Variants in PPP1R9A observed in about 807,000 individuals in gnomAD.
The protein encoded by PPP1R9A is neurabin-1.
Under a neutral mutation model 141.9 loss-of-function variants are expected in PPP1R9A, and 59 were observed. The ratio of observed to expected loss-of-function variants is 0.42; its 90% CI spans 0.34 to 0.52. PPP1R9A has a LOEUF of 0.52. Ranked by LOEUF, PPP1R9A falls within the 20% of genes least tolerant of loss-of-function variation. PPP1R9A has a pLI of 0.10. For missense variants in PPP1R9A, 1,444 were observed against 1,611.9 expected, an observed-to-expected ratio of 0.90 and a Z score of 1.78; for synonymous variants, 500 against 569.7, an observed-to-expected ratio of 0.88 and a Z score of 1.74.
At chr7:95,164,180 G>A (rs1830842939) in intron 5 of PPP1R9A, among the ~76,000 whole-genome samples, 1 of 152,192 alleles carries the variant, frequency 6.6e-6, no homozygotes, top group African/African-American at 2.4e-5. Flanking sequence ...ATACCATTTT[G>A]TATTCCTATC....
intron 17 of PPP1R9A, 125 bp downstream of exon 17, chr7:95,284,455 C>A: frequency 2.1e-6 from 2 of 959,422 alleles, no homozygotes; most frequent in Non-Finnish European, 3.0e-6. Context: ...ATTTGCCTAT[C>A]TTTTCACATA....
intron 2 of PPP1R9A, among the ~76,000 whole-genome samples, chr7:95,021,415 G>C (rs899789662): frequency 2.0e-5 from 3 of 151,520 alleles, no homozygotes; most frequent in Non-Finnish European, 4.4e-5. Context: ...CTCCCATTCT[G>C]TAGGTTGCCT....
rs540705995 is a variant in PPP1R9A at position 95,107,940 on chromosome 7, C to T, written c.1396-3319C>T. Among the ~76,000 whole-genome samples, 32 of 152,152 alleles carry T rather than the reference C, an allele frequency of 2.1e-4. No homozygotes were observed. In the East Asian group the frequency reaches 2.1e-3, roughly 10 times the overall value. ...TGCACTTTCTTCAGGGCTTTTTGTACTCATCACTTAGTTTTATAGAGAGAA... is the reference window on the plus strand; with the variant it reads ...TGCACTTTCTTCAGGGCTTTTTGTATTCATCACTTAGTTTTATAGAGAGAA... On this transcript the variant is annotated intron_variant, in intron 2 of 19. Transcript: ENST00000433360.
intron 18 of PPP1R9A, 117 bp from the exon 19 acceptor site, chr7:95,288,419 A>G: frequency 7.2e-7 from 1 of 1,396,640 alleles, no homozygotes; most frequent in East Asian, 2.4e-5. Context: ...TTAGCTTATC[A>G]TATTTTGGTT....
chr7:95,282,537 A>G (rs547088887), intron 16 of PPP1R9A, among the ~76,000 whole-genome samples: 4 of 152,178 alleles, frequency 2.6e-5, no homozygotes, highest in Non-Finnish European at 5.9e-5. Flanking sequence ...TTACATCCCA[A>G]AGGGTCAGAG....
rs578237699 is a variant in PPP1R9A at position 95,153,100 on chromosome 7, T to A, written c.1650-8767T>A. On this transcript the variant is annotated intron_variant, in intron 4 of 19. Transcript: ENST00000433360. ...CCTGACCTCAAATGATTCACTCACC[T>A]CAGCCTCCCAAAATGCTGGGATTAC... 2.6e-5 allele frequency among the ~76,000 whole-genome samples: 4 copies of A among 152,256 alleles called. No individual in the cohort carries two copies. The East Asian group carries it at 7.7e-4, about 29-fold the overall frequency.
In PPP1R9A at chr7:95,275,254, A is replaced by G. The variant is rs1387802230; in HGVS notation, c.3296+1086A>G. 2.6e-5 allele frequency among the ~76,000 whole-genome samples: 4 copies of G among 152,032 alleles called. No homozygotes were observed. The East Asian group carries it at 5.8e-4, about 22-fold the overall frequency. On this transcript the variant is annotated intron_variant, in intron 16 of 19. Coordinates refer to ENST00000433360, the MANE Select transcript of PPP1R9A (RefSeq NM_001166160.2). ...GAAACCCCGTCTCTACCAAAAATAC[A>G]AAAATTAGCCAGGCGTGGTGGCGCA...
At chr7:95,217,061 G>T (rs1793563391) in intron 7 of PPP1R9A, among the ~76,000 whole-genome samples, 2 of 152,058 alleles carry the variant, frequency 1.3e-5, no homozygotes, top group South Asian at 2.1e-4. Flanking sequence ...TCAAAGGGAA[G>T]GCTTCCAGTT....
rs535794860 is a variant in PPP1R9A, at chr7:95,229,104, A to G, written c.2112+2988A>G. 2.1e-4 allele frequency among the ~76,000 whole-genome samples: 32 copies of G among 152,112 alleles called. No homozygotes were observed. The South Asian group carries it at 2.3e-3, about 11-fold the overall frequency. ...GAGTGACAGAACCACACAAGACCCC[A>G]TCTCAAATAAACAAAAACTGGGAGG... On this transcript the variant is annotated intron_variant, in intron 8 of 19. Transcript: ENST00000433360.
chr7:95,038,004 C>A (rs1358384048), intron 2 of PPP1R9A, among the ~76,000 whole-genome samples: 1 of 150,160 alleles, frequency 6.7e-6, no homozygotes, highest in Non-Finnish European at 1.5e-5. Flanking sequence ...CCCAGCTACT[C>A]AGAAGGCTGA....
chr7:95,290,283 G>A lies in PPP1R9A; in HGVS notation c.4105G>A (p.Glu1369Lys), dbSNP rs367806540. ...AGAAAAGATGACGTCAACTACAGCC[G>A]AGGGTGCTGGTGAGCAGTAACACAT... ...KTEKMTSTTAEGAGEQ is the reference protein window; with the variant it reads ...KTEKMTSTTAKGAGEQ Residue 1369 changes from glutamate (E) to lysine (K), a missense_variant, in exon 20 of 20, where the codon GAG (glutamate) becomes AAG (lysine). Physicochemically the swap from Glu to Lys is moderately conservative, Grantham distance 56. Transcript: ENST00000433360. The A allele has an allele frequency of 5.0e-5, 81 of 1,610,914 alleles. No homozygotes were observed. Among genetic ancestry groups the A allele is most frequent in the East Asian group, 6.7e-5 (3 of 44,658 alleles).
chr7:95,187,554 T>C (rs1373808734), intron 5 of PPP1R9A, among the ~76,000 whole-genome samples: 1 of 152,034 alleles, frequency 6.6e-6, no homozygotes, highest in African/African-American at 2.4e-5. Context: ...CTGCTGGGTT[T>C]GGATTTTGTT....
At chr7:94,982,754 A>G in intron 2 of PPP1R9A, among the ~76,000 whole-genome samples, 1 of 151,884 alleles carries the variant, frequency 6.6e-6, no homozygotes, top group South Asian at 2.1e-4. Flanking sequence ...GATTGCAAAA[A>G]TTTTCTCCCA....
chr7:95,291,958 T>C lies in PPP1R9A; in HGVS notation c.*1655T>C, dbSNP rs758115182. The C allele has an allele frequency of 2.0e-5, 3 of 152,176 alleles. No homozygotes were observed. Among genetic ancestry groups the C allele is most frequent in the Non-Finnish European group, 4.4e-5 (3 of 68,024 alleles). The allele number at this position is 152,176 out of a possible 1,614,324, so 9.4% of individuals were successfully genotyped here. A position where few individuals can be genotyped will look rare whatever the true frequency, so the allele number is the denominator to read the frequency against. ...TCTGAAAATCTGAATTCAGAAATTA[T>C]CTAAACTGGACATTTTTAATTCTGT... On this transcript the variant is annotated 3_prime_UTR_variant, in exon 20 of 20. Transcript: ENST00000433360.
intron 2 of PPP1R9A, among the ~76,000 whole-genome samples, chr7:95,090,021 C>G (rs1817131691): frequency 6.6e-6 from 1 of 151,940 alleles, no homozygotes; most frequent in South Asian, 2.1e-4. Flanking sequence ...AGTGGACTTT[C>G]CTATAACATA....
At chr7:94,913,614 T>G (rs116170592) in intron 2 of PPP1R9A, among the ~76,000 whole-genome samples, 333 of 152,312 alleles carry the variant, frequency 2.2e-3, no homozygotes, top group African/African-American at 7.9e-3. Context: ...TCTTTCTTGC[T>G]GCTTCCATTG....
chr7:95,100,528 G>A (rs983453498), intron 2 of PPP1R9A, among the ~76,000 whole-genome samples: 1 of 152,090 alleles, frequency 6.6e-6, no homozygotes. Context: ...TTTTGCTCAC[G>A]CCTTCTTTTG....
intron 4 of PPP1R9A, among the ~76,000 whole-genome samples, chr7:95,136,006 C>T (rs1005528794): frequency 6.6e-6 from 1 of 151,848 alleles, no homozygotes; most frequent in Non-Finnish European, 1.5e-5. Context: ...CTTTATCTTC[C>T]GTATACGTCC....
intron 16 of PPP1R9A, among the ~76,000 whole-genome samples, chr7:95,276,044 A>C (rs1478055323): frequency 6.6e-6 from 1 of 152,232 alleles, no homozygotes; most frequent in Non-Finnish European, 1.5e-5. Context: ...TTAAGAATAG[A>C]AAAATAAAAT....
Sources: gnomAD v4.1 joint callset for allele counts (sites outside exome capture counted in the v4.1 genomes callset) on GRCh38, gnomAD v4.1.1 for gene constraint, MANE v1.5 for transcripts, NCBI Gene and HGNC (gene_info 2026-07-23, HGNC 2026-07-21) for gene names.